PRKCE: variants seen among roughly 807,000 people sequenced by gnomAD.
The protein encoded by PRKCE is protein kinase C epsilon type.
PRKCE carries 16 observed loss-of-function variants against 85.4 expected under a neutral mutation model. The ratio of observed to expected loss-of-function variants is 0.19; its 90% CI spans 0.13 to 0.28. The LOEUF (loss-of-function observed/expected upper bound fraction) is 0.28, where lower values mean the gene tolerates loss of function less well. Ranked by LOEUF, PRKCE falls within the 10% of genes least tolerant of loss-of-function variation. The pLI is 1.00. For synonymous variants in PRKCE, 388 were observed against 371.5 expected (o/e 1.04, Z -0.51); for missense variants, 573 against 975.2 (o/e 0.59, Z 5.49).
At chr2:45,957,319 A>G (rs973269559) in intron 2 of PRKCE, among the ~76,000 whole-genome samples, 5 of 152,176 alleles carry the variant, frequency 3.3e-5, no homozygotes, top group African/African-American at 1.2e-4. Flanking sequence ...GTCTATGCTT[A>G]TTTTTTATGC....
chr2:46,032,127 G>C (rs1707565478), intron 10 of PRKCE, among the ~76,000 whole-genome samples: 1 of 152,220 alleles, frequency 6.6e-6, no homozygotes, highest in Admixed American at 6.5e-5. Context: ...TTAGCACAGT[G>C]CCTGGCATGT....
chr2:45,707,891 A>G (rs957497445), intron 1 of PRKCE, among the ~76,000 whole-genome samples: 1 of 152,212 alleles, frequency 6.6e-6, no homozygotes, highest in Non-Finnish European at 1.5e-5. Flanking sequence ...CTGGGAGTGC[A>G]GGCATGAAGC....
chr2:45,755,842 G>A (rs779052966), intron 1 of PRKCE, among the ~76,000 whole-genome samples: 125 of 152,188 alleles, frequency 8.2e-4, no homozygotes, highest in African/African-American at 2.9e-3. Context: ...TCAGAGGAGG[G>A]AAAGCTCCTT....
chr2:46,080,018 G>A (rs1048420378), intron 10 of PRKCE, among the ~76,000 whole-genome samples: 2 of 152,206 alleles, frequency 1.3e-5, no homozygotes, highest in African/African-American at 4.8e-5. Context: ...TAAGGGAGGA[G>A]GAGGTGGAAT....
chr2:46,045,069 A>G (rs1284906852), intron 10 of PRKCE, among the ~76,000 whole-genome samples: 2 of 152,240 alleles, frequency 1.3e-5, no homozygotes, highest in Admixed American at 6.5e-5. Flanking sequence ...GTTGTGTTCA[A>G]TTAGTGGATC....
chr2:45,678,804 G>C (rs565124075), intron 1 of PRKCE, among the ~76,000 whole-genome samples: 1 of 152,008 alleles, frequency 6.6e-6, no homozygotes, highest in Non-Finnish European at 1.5e-5. Flanking sequence ...ACAACTTTGG[G>C]AATTTGTGAA....
intron 11 of PRKCE, among the ~76,000 whole-genome samples, chr2:46,132,375 A>T (rs1674549027): frequency 6.6e-6 from 1 of 152,132 alleles, no homozygotes; most frequent in Non-Finnish European, 1.5e-5. Context: ...GGTGCTTCCA[A>T]GGGACCAATA....
intron 1 of PRKCE, among the ~76,000 whole-genome samples, chr2:45,809,611 C>T (rs777614360): frequency 1.6e-4 from 24 of 151,486 alleles, no homozygotes; most frequent in Non-Finnish European, 2.5e-4. Context: ...CGGTCGGGCA[C>T]GGTGGCTCAT....
chr2:46,059,177 G>T (rs918915985), intron 10 of PRKCE, among the ~76,000 whole-genome samples: 2 of 111,086 alleles, frequency 1.8e-5, no homozygotes, highest in Non-Finnish European at 3.4e-5. Context: ...CTAGCCATGA[G>T]CCCAGGAGGT....
At chr2:46,011,078 T>G (rs2104801990) in intron 10 of PRKCE, 5 of 538,902 alleles carry the variant, frequency 9.3e-6, no homozygotes, top group Middle Eastern at 6.6e-4. Context: ...AACTCCATGG[T>G]AGAGTCTGAC....
chr2:45,770,328 AC>A (rs1299340577), intron 1 of PRKCE, among the ~76,000 whole-genome samples: 1 of 152,000 alleles, frequency 6.6e-6, no homozygotes, highest in Non-Finnish European at 1.5e-5. Flanking sequence ...AACAACACTG[AC>A]TGTGGCTTTT....
At chr2:45,815,153 T>C (rs1012344099) in intron 1 of PRKCE, among the ~76,000 whole-genome samples, 2 of 152,214 alleles carry the variant, frequency 1.3e-5, no homozygotes, top group Admixed American at 1.3e-4. Flanking sequence ...AAGAAGGCAC[T>C]AATCTCATAA....
chr2:45,800,723 C>T (rs1264922252), intron 1 of PRKCE, among the ~76,000 whole-genome samples: 1 of 152,194 alleles, frequency 6.6e-6, no homozygotes, highest in Non-Finnish European at 1.5e-5. Context: ...AATAAAACTT[C>T]CGCCATTAAA....
At chr2:45,781,306 C>T (rs375826881) in intron 1 of PRKCE, among the ~76,000 whole-genome samples, 6 of 152,150 alleles carry the variant, frequency 3.9e-5, no homozygotes, top group African/African-American at 9.7e-5. Flanking sequence ...CATTGCATTC[C>T]GGCATGGGTG....
At chr2:45,943,596 A>G (rs904036067) in intron 2 of PRKCE, among the ~76,000 whole-genome samples, 2 of 152,226 alleles carry the variant, frequency 1.3e-5, no homozygotes, top group African/African-American at 4.8e-5. Context: ...CCTTCTTTCC[A>G]GAGCCTTTTT....
At chr2:46,029,174 C>G (rs547331544) in intron 10 of PRKCE, among the ~76,000 whole-genome samples, 3 of 152,072 alleles carry the variant, frequency 2.0e-5, no homozygotes, top group Admixed American at 1.3e-4. Flanking sequence ...TGTTGATTAA[C>G]TTAATCTTTG....
At chr2:46,077,912 T>C (rs1355844514) in intron 10 of PRKCE, 1 of 152,228 alleles carries the variant, frequency 6.6e-6, no homozygotes, top group Non-Finnish European at 1.5e-5. Context: ...AGCTGGAAAG[T>C]CCCACTCATC....
chr2:45,789,064 C>T (rs1450513952), intron 1 of PRKCE, among the ~76,000 whole-genome samples: 2 of 152,074 alleles, frequency 1.3e-5, no homozygotes, highest in Non-Finnish European at 2.9e-5. Flanking sequence ...CTTAGACCCT[C>T]GCAAAACCAC....
intron 12 of PRKCE, among the ~76,000 whole-genome samples, chr2:46,148,965 C>A (rs752420152): frequency 6.6e-6 from 1 of 152,142 alleles, no homozygotes; most frequent in Non-Finnish European, 1.5e-5. Context: ...GGGCTTAGAC[C>A]AAAGGTATTA....
Sources: gnomAD v4.1 joint callset for allele counts (sites outside exome capture counted in the v4.1 genomes callset) on GRCh38, gnomAD v4.1.1 for gene constraint, MANE v1.5 for transcripts, NCBI Gene and HGNC (gene_info 2026-07-23, HGNC 2026-07-21) for gene names.